Variants in THSD7A observed in about 807,000 individuals in gnomAD.
THSD7A encodes thrombospondin type 1 domain containing 7A.
Under a neutral mutation model 231.3 loss-of-function variants are expected in THSD7A, and 96 were observed. That is an observed-to-expected ratio of 0.41 (90% CI 0.35 to 0.49). The LOEUF is 0.49. Among genes scored for constraint, THSD7A ranks in the 20% least tolerant of loss-of-function variants. The probability of loss-of-function intolerance (pLI) is 0.05; values close to 1 mark genes in which losing one functional copy is unlikely to be tolerated. For synonymous variants in THSD7A, 940 were observed against 743.3 expected (o/e 1.26, Z -4.30); for missense variants, 2,290 against 2,070.2 (o/e 1.11, Z -2.06).
At chr7:11,736,987 C>T (rs190200049) in intron 1 of THSD7A, among the ~76,000 whole-genome samples, 1 of 152,088 alleles carries the variant, frequency 6.6e-6, no homozygotes, top group East Asian at 2.0e-4. Flanking sequence ...GGCTCTCATT[C>T]TTCTCTCTTC....
intron 1 of THSD7A, among the ~76,000 whole-genome samples, chr7:11,792,850 T>C (rs1334845381): frequency 6.6e-6 from 1 of 151,980 alleles, no homozygotes; most frequent in Non-Finnish European, 1.5e-5. Context: ...GAGCCATACA[T>C]AATACATAAA....
chr7:11,791,263 G>A (rs1783944862), intron 1 of THSD7A, among the ~76,000 whole-genome samples: 1 of 151,990 alleles, frequency 6.6e-6, no homozygotes, highest in Non-Finnish European at 1.5e-5. Flanking sequence ...CTCTGAGTGA[G>A]TTCTCTGATT....
At chr7:11,582,410 CTTA>C (rs1791205032) in intron 4 of THSD7A, among the ~76,000 whole-genome samples, 2 of 151,954 alleles carry the variant, frequency 1.3e-5, no homozygotes, top group Admixed American at 1.3e-4. Context: ...CAATACTCTC[CTTA>C]TTGTTTCCTA....
chr7:11,560,537 C>T (rs1018071248), intron 4 of THSD7A, among the ~76,000 whole-genome samples: 1 of 152,138 alleles, frequency 6.6e-6, no homozygotes, highest in African/African-American at 2.4e-5. Context: ...TGCTTCTTTA[C>T]CAATTATAGC....
Position 11,505,432 on chromosome 7 carries a change from A to G in THSD7A, c.1823-23450T>C, listed in dbSNP as rs572023892. On this transcript the variant is annotated intron_variant, in intron 6 of 27. Transcript: ENST00000423059. The stretch of plus-strand genomic sequence containing the variant: ...ACACCTTAGGTTTCCGAAAACTAAC[A>G]CTACCAGTGTAAAGTTTTTTTTTTT... Among the ~76,000 whole-genome samples the G allele has an allele frequency of 1.7e-3, 249 of 150,470 alleles. 1 individual carries two copies. The highest frequency in any genetic ancestry group is 5.8e-3 in the African/African-American group (236 of 40,948).
At chr7:11,524,613 G>A (rs956462807) in intron 6 of THSD7A, among the ~76,000 whole-genome samples, 2 of 152,120 alleles carry the variant, frequency 1.3e-5, no homozygotes, top group Non-Finnish European at 2.9e-5. Context: ...TATGTGGCTA[G>A]CCAGCCGGAA....
At chr7:11,778,236 T>C (rs971268724) in intron 1 of THSD7A, among the ~76,000 whole-genome samples, 1 of 151,500 alleles carries the variant, frequency 6.6e-6, no homozygotes, top group African/African-American at 2.4e-5. Flanking sequence ...AGGTTCTATG[T>C]TGGGCTTTGG....
chr7:11,519,475 T>A (rs1788173157), intron 6 of THSD7A, among the ~76,000 whole-genome samples: 1 of 152,224 alleles, frequency 6.6e-6, no homozygotes, highest in Non-Finnish European at 1.5e-5. Context: ...CTATGTTCAC[T>A]TCGCTAGGTA....
intron 4 of THSD7A, among the ~76,000 whole-genome samples, chr7:11,580,875 T>C (rs1275312958): frequency 4.6e-5 from 7 of 152,066 alleles, no homozygotes; most frequent in Non-Finnish European, 1.0e-4. Flanking sequence ...TGCACTTGTA[T>C]CCCTGAACTT....
intron 1 of THSD7A, among the ~76,000 whole-genome samples, chr7:11,766,716 C>G (rs944366339): frequency 6.6e-6 from 1 of 152,042 alleles, no homozygotes; most frequent in Non-Finnish European, 1.5e-5. Flanking sequence ...TACAATTGAC[C>G]TGAATTCAAG....
chr7:11,681,179 C>T (rs987249370), intron 1 of THSD7A, among the ~76,000 whole-genome samples: 2 of 152,052 alleles, frequency 1.3e-5, no homozygotes, highest in South Asian at 2.1e-4. Flanking sequence ...GGGAGGGGAA[C>T]ATCACACACT....
chr7:11,514,319 CCT>C (rs1366302582), intron 6 of THSD7A, among the ~76,000 whole-genome samples: 6 of 152,124 alleles, frequency 3.9e-5, no homozygotes, highest in African/African-American at 1.4e-4. Flanking sequence ...TTATTTAAAT[CCT>C]GTTATACCCT....
At chr7:11,769,143 A>ATTTTTTTTT (rs1306458383) in intron 1 of THSD7A, among the ~76,000 whole-genome samples, 11 of 35,290 alleles carry the variant, frequency 3.1e-4, no homozygotes, top group African/African-American at 8.8e-4. Flanking sequence ...ATATATATAT[A>ATTTTTTTTT]TATATATATA....
At position 11,788,708 on chromosome 7, in the gene THSD7A, T is replaced by G. The variant is rs534250693; in HGVS notation, c.190+43049A>C. 1.4e-4 allele frequency among the ~76,000 whole-genome samples: 21 copies of G among 152,164 alleles called. No homozygotes were observed. In the South Asian group the frequency reaches 4.1e-3, roughly 30 times the overall value. On this transcript the variant is annotated intron_variant, in intron 1 of 27. Coordinates refer to ENST00000423059, the MANE Select transcript of THSD7A (RefSeq NM_015204.3). Reference sequence around the variant, plus strand: ...AGGCTCTGGATCAGACTGCTTTTATTCAAATTTCATTTTTACTACTCACTT... The same window carrying G: ...AGGCTCTGGATCAGACTGCTTTTATGCAAATTTCATTTTTACTACTCACTT...
chr7:11,588,577 G>A (rs560011432), intron 4 of THSD7A, among the ~76,000 whole-genome samples: 1 of 151,992 alleles, frequency 6.6e-6, no homozygotes, highest in East Asian at 1.9e-4. Context: ...CTTTTTCTGT[G>A]ACTGTTTTTG....
chr7:11,643,626 T>C (rs1280790659), intron 1 of THSD7A, among the ~76,000 whole-genome samples: 4 of 143,662 alleles, frequency 2.8e-5, no homozygotes, highest in South Asian at 2.2e-4. Flanking sequence ...CACACACAGA[T>C]TGAACCTTCT....
chr7:11,487,816 G>A lies in THSD7A; in HGVS notation c.1823-5834C>T, dbSNP rs140853702. Among the ~76,000 whole-genome samples the A allele has an allele frequency of 6.6e-5, 10 of 152,220 alleles. No homozygotes were observed. In the East Asian group the frequency reaches 1.9e-3, roughly 29 times the overall value. ...CACCATTATTTAATTATCTCCACCT[G>A]GCCCCACCCTTGACACGTGGGGATT... On this transcript the variant is annotated intron_variant, in intron 6 of 27. Coordinates refer to ENST00000423059, the MANE Select transcript of THSD7A (RefSeq NM_015204.3).
At chr7:11,420,778 C>A (rs1562596130) in intron 16 of THSD7A, among the ~76,000 whole-genome samples, 2 of 152,192 alleles carry the variant, frequency 1.3e-5, no homozygotes, top group Non-Finnish European at 2.9e-5. Flanking sequence ...GGGGGCTGTA[C>A]CCTGCAGAGC....
intron 1 of THSD7A, among the ~76,000 whole-genome samples, chr7:11,698,212 A>T (rs1015851519): frequency 2.6e-5 from 4 of 151,432 alleles, no homozygotes; most frequent in Admixed American, 2.0e-4. Flanking sequence ...ATCAGAAAAG[A>T]ATACAACCTG....
Sources: gnomAD v4.1 joint callset for allele counts (sites outside exome capture counted in the v4.1 genomes callset) on GRCh38, gnomAD v4.1.1 for gene constraint, MANE v1.5 for transcripts, NCBI Gene and HGNC (gene_info 2026-07-23, HGNC 2026-07-21) for gene names.